The following FOXP2 variants were observed in gnomAD, a reference collection of about 807,000 sequenced individuals.
FOXP2 encodes the protein forkhead box protein P2.
Under a neutral mutation model 115.8 loss-of-function variants are expected in FOXP2, and 12 were observed. The ratio of observed to expected loss-of-function variants is 0.10; its 90% CI spans 0.07 to 0.17. The LOEUF (loss-of-function observed/expected upper bound fraction) is 0.17. Among genes scored for constraint, FOXP2 ranks in the 10% least tolerant of loss-of-function variants. The pLI is 1.00. For missense variants in FOXP2, 629 were observed against 843.5 expected (o/e 0.75, Z 3.15); for synonymous variants, 328 against 297.7 (o/e 1.10, Z -1.05).
chr7:114,187,331 CA>C (rs768453510), intron 1 of FOXP2, among the ~76,000 whole-genome samples: 1 of 152,130 alleles, frequency 6.6e-6, no homozygotes, highest in Non-Finnish European at 1.5e-5. Flanking sequence ...ATTCTTCAGC[CA>C]GATATCCTAG....
In FOXP2 at chr7:114,232,142, T is replaced by G. The variant is rs530575570; in HGVS notation, c.-101-55877T>G. On this transcript the variant is annotated intron_variant, in intron 1 of 17. Transcript: ENST00000634411. ...TCACTAATCATCAGGGAAATGCAAGTAAAACTCACAAAGAAATACCACCTC... is the reference window on the plus strand; with the variant it reads ...TCACTAATCATCAGGGAAATGCAAGGAAAACTCACAAAGAAATACCACCTC... 8.5e-5 allele frequency among the ~76,000 whole-genome samples: 13 copies of G among 152,132 alleles called. 1 individual carries two copies. The South Asian group carries it at 2.7e-3, about 31-fold the overall frequency.
chr7:114,279,337 C>T (rs1302312934), intron 1 of FOXP2, among the ~76,000 whole-genome samples: 1 of 152,148 alleles, frequency 6.6e-6, no homozygotes, highest in Non-Finnish European at 1.5e-5. Flanking sequence ...GATTGTTCAA[C>T]AACTGATAGA....
intron 3 of FOXP2, among the ~76,000 whole-genome samples, chr7:114,583,400 A>T: frequency 6.6e-6 from 1 of 151,682 alleles, no homozygotes; most frequent in East Asian, 1.9e-4. Flanking sequence ...AAAACAAGAA[A>T]CTTTTCTTTA....
At chr7:114,209,953 C>T (rs1263858314) in intron 1 of FOXP2, among the ~76,000 whole-genome samples, 1 of 152,134 alleles carries the variant, frequency 6.6e-6, no homozygotes, top group Non-Finnish European at 1.5e-5. Context: ...TTATGAAGTT[C>T]TCATCTTGTG....
At chr7:114,210,180 G>A (rs1794308292) in intron 1 of FOXP2, among the ~76,000 whole-genome samples, 2 of 152,276 alleles carry the variant, frequency 1.3e-5, no homozygotes, top group African/African-American at 4.8e-5. Context: ...CTGCTGGAGA[G>A]GTGTTATGGT....
intron 3 of FOXP2, among the ~76,000 whole-genome samples, chr7:114,559,649 A>G (rs551260324): frequency 1.8e-4 from 28 of 152,122 alleles, no homozygotes; most frequent in African/African-American, 4.1e-4. Context: ...TTGGGAGGCC[A>G]AGGCGGGCAG....
chr7:114,481,751 T>C (rs1295985461), intron 2 of FOXP2, among the ~76,000 whole-genome samples: 1 of 149,050 alleles, frequency 6.7e-6, no homozygotes, highest in African/African-American at 2.5e-5. Context: ...GCAGATGATC[T>C]CATATGGAAA....
chr7:114,188,897 T>G (rs1793685036), intron 1 of FOXP2, among the ~76,000 whole-genome samples: 1 of 152,178 alleles, frequency 6.6e-6, no homozygotes, highest in Admixed American at 6.5e-5. Context: ...ACTCATTTGT[T>G]TATTAATAAA....
intron 3 of FOXP2, among the ~76,000 whole-genome samples, chr7:114,539,197 T>C (rs1799535774): frequency 6.6e-6 from 1 of 151,926 alleles, no homozygotes; most frequent in African/African-American, 2.4e-5. Flanking sequence ...GTTATAAAAG[T>C]TTATAATTTG....
intron 1 of FOXP2, among the ~76,000 whole-genome samples, chr7:114,132,492 A>G (rs1182948022): frequency 6.6e-6 from 1 of 151,906 alleles, no homozygotes; most frequent in Admixed American, 6.6e-5. Context: ...GATAAAGAAT[A>G]TAAGATCATA....
chr7:114,223,535 T>A (rs1406495152), intron 1 of FOXP2, among the ~76,000 whole-genome samples: 3 of 148,048 alleles, frequency 2.0e-5, no homozygotes, highest in Non-Finnish European at 4.5e-5. Flanking sequence ...TATATATATA[T>A]GTGCTTTGTT....
At chr7:114,682,545 C>G (rs1290633178) in intron 16 of FOXP2, among the ~76,000 whole-genome samples, 2 of 152,054 alleles carry the variant, frequency 1.3e-5, no homozygotes, top group Non-Finnish European at 2.9e-5. Flanking sequence ...ACCTAATTAT[C>G]CTATGGTAGT....
intron 2 of FOXP2, among the ~76,000 whole-genome samples, chr7:114,363,426 A>G (rs925912748): frequency 6.6e-6 from 1 of 152,144 alleles, no homozygotes; most frequent in African/African-American, 2.4e-5. Flanking sequence ...TTATGTGGGA[A>G]AAAGTATGTC....
At chr7:114,113,104 T>G (rs1208666954) in intron 1 of FOXP2, among the ~76,000 whole-genome samples, 1 of 152,160 alleles carries the variant, frequency 6.6e-6, no homozygotes, top group African/African-American at 2.4e-5. Flanking sequence ...AATTAACACT[T>G]TAGAAGACAA....
chr7:114,342,206 A>G (rs1424059520), intron 2 of FOXP2, among the ~76,000 whole-genome samples: 1 of 151,520 alleles, frequency 6.6e-6, no homozygotes, highest in East Asian at 1.9e-4. Flanking sequence ...CTTTTATTTT[A>G]TGAAGTTCAA....
chr7:114,239,298 T>C (rs973668809), intron 1 of FOXP2, among the ~76,000 whole-genome samples: 2 of 152,124 alleles, frequency 1.3e-5, no homozygotes, highest in Non-Finnish European at 2.9e-5. Flanking sequence ...ATGTAATAAT[T>C]TAAGGAGTAA....
intron 1 of FOXP2, among the ~76,000 whole-genome samples, chr7:114,197,281 A>T (rs1438480482): frequency 6.6e-6 from 1 of 152,228 alleles, no homozygotes; most frequent in African/African-American, 2.4e-5. Context: ...GCTATAACAA[A>T]ATACCGTAGA....
intron 3 of FOXP2, 150 bp from the exon 4 acceptor site, chr7:114,628,390 T>C: frequency 9.7e-7 from 1 of 1,033,476 alleles, no homozygotes; most frequent in Non-Finnish European, 1.4e-6. Flanking sequence ...TTTAGTACTA[T>C]TGTAAAGAAG....
At chr7:114,102,563 C>T (rs1260660884) in intron 1 of FOXP2, among the ~76,000 whole-genome samples, 1 of 151,430 alleles carries the variant, frequency 6.6e-6, no homozygotes, top group Non-Finnish European at 1.5e-5. Flanking sequence ...ATGGAATATT[C>T]TCTTGATTTT....
Sources: gnomAD v4.1 joint callset for allele counts (sites outside exome capture counted in the v4.1 genomes callset) on GRCh38, gnomAD v4.1.1 for gene constraint, MANE v1.5 for transcripts, NCBI Gene and HGNC (gene_info 2026-07-23, HGNC 2026-07-21) for gene names.